The following ARHGAP12 variants were observed in gnomAD, a reference collection of about 807,000 sequenced individuals.
ARHGAP12 encodes the protein Rho GTPase activating protein 12, also known as rho GTPase-activating protein 12.
ARHGAP12 carries 64 observed loss-of-function variants against 108.6 expected under a neutral mutation model. The observed-to-expected ratio is 0.59, with a 90% CI of 0.48 to 0.73. The LOEUF is 0.73. Among genes scored for constraint, ARHGAP12 ranks in the 30% least tolerant of loss-of-function variants. The pLI, the probability that ARHGAP12 is intolerant of heterozygous loss-of-function variation, is 0.00. For synonymous variants in ARHGAP12, 312 were observed against 337.2 expected, an observed-to-expected ratio of 0.93 and a Z score of 0.82; for missense variants, 940 against 1,005.9, an observed-to-expected ratio of 0.93 and a Z score of 0.89.
chr10:31,853,485 T>C (rs1048179729), intron 5 of ARHGAP12, among the ~76,000 whole-genome samples: 3 of 152,178 alleles, frequency 2.0e-5, no homozygotes, highest in Non-Finnish European at 4.4e-5. Context: ...TTCCGTATGT[T>C]CTAATGTCAA....
At chr10:31,822,395 G>A (rs1835448343) in intron 11 of ARHGAP12, among the ~76,000 whole-genome samples, 1 of 152,170 alleles carries the variant, frequency 6.6e-6, no homozygotes, top group Non-Finnish European at 1.5e-5. Context: ...AAATGATGAT[G>A]TCATAACAAT....
chr10:31,877,609 TTAAC>T (rs1216611946), intron 3 of ARHGAP12, among the ~76,000 whole-genome samples: 1 of 152,196 alleles, frequency 6.6e-6, no homozygotes, highest in Admixed American at 6.5e-5. Flanking sequence ...AAAAACTACT[TTAAC>T]TAAAAAGTGA....
intron 9 of ARHGAP12, among the ~76,000 whole-genome samples, chr10:31,833,860 A>T (rs1197657082): frequency 6.6e-6 from 1 of 152,224 alleles, no homozygotes; most frequent in African/African-American, 2.4e-5. Flanking sequence ...GAAGGATTTT[A>T]AATTCCCCCA....
intron 2 of ARHGAP12, among the ~76,000 whole-genome samples, chr10:31,909,800 G>A (rs376663464): frequency 5.9e-5 from 9 of 152,172 alleles, no homozygotes; most frequent in African/African-American, 2.2e-4. Flanking sequence ...GGAAGCTGAG[G>A]TGGAAGGATC....
rs1312482278 is a variant in ARHGAP12 at position 31,809,127 on chromosome 10, A to T, written c.2130T>A (p.Asp710Glu). ...TACTGTCATTCAAGTCCAATTTCTC[A>T]TCTGAAAAACAGCAGGAATTGGACA... ...IQKLRFAVNH[D>E]EKLDLNDSKW... Residue 710 changes from aspartate to glutamate, a missense_variant and splice_region_variant, in exon 18 of 20, where the codon GAT (aspartate) becomes GAA (glutamate). Transcript: ENST00000344936. 3 of 1,611,660 alleles carry T rather than the reference A, an allele frequency of 1.9e-6. No homozygotes were observed.
chr10:31,865,341 A>G (rs1837283492), intron 3 of ARHGAP12, among the ~76,000 whole-genome samples: 1 of 152,194 alleles, frequency 6.6e-6, no homozygotes, highest in Non-Finnish European at 1.5e-5. Context: ...CAGATTCAAG[A>G]AACAATCAGA....
intron 3 of ARHGAP12, among the ~76,000 whole-genome samples, chr10:31,900,977 A>G (rs1838892522): frequency 6.6e-6 from 1 of 152,192 alleles, no homozygotes; most frequent in South Asian, 2.1e-4. Context: ...GCACTTTGAG[A>G]GGCTGAGGCG....
At chr10:31,920,449 C>CAAA (rs71027040) in intron 1 of ARHGAP12, among the ~76,000 whole-genome samples, 15,987 of 59,320 alleles carry the variant, frequency 0.27, 2,686 homozygotes, top group East Asian at 0.41. Flanking sequence ...GACTCCGTCT[C>CAAA]AAAAAAAAAA....
At chr10:31,848,810 C>T (rs539730025) in intron 6 of ARHGAP12, among the ~76,000 whole-genome samples, 2 of 152,240 alleles carry the variant, frequency 1.3e-5, no homozygotes, top group African/African-American at 2.4e-5. Flanking sequence ...CGGTGGCTCA[C>T]GCCTGTAATT....
chr10:31,829,983 T>TC (rs1411230131), intron 10 of ARHGAP12, among the ~76,000 whole-genome samples: 2 of 150,114 alleles, frequency 1.3e-5, no homozygotes, highest in African/African-American at 4.9e-5. Flanking sequence ...TCATCTGTTT[T>TC]CCATTAAGCC....
At chr10:31,916,615 C>T (rs1839567427) in intron 1 of ARHGAP12, among the ~76,000 whole-genome samples, 1 of 152,098 alleles carries the variant, frequency 6.6e-6, no homozygotes, top group African/African-American at 2.4e-5. Context: ...GTTAAAGAAA[C>T]ATAATGTATC....
intron 9 of ARHGAP12, among the ~76,000 whole-genome samples, chr10:31,835,783 C>G (rs560661988): frequency 3.3e-5 from 5 of 152,196 alleles, no homozygotes; most frequent in African/African-American, 1.2e-4. Flanking sequence ...AATGAAACAT[C>G]CAGAATGGGT....
At chr10:31,868,377 CTA>C (rs1292044364) in intron 3 of ARHGAP12, among the ~76,000 whole-genome samples, 1 of 151,816 alleles carries the variant, frequency 6.6e-6, no homozygotes, top group Non-Finnish European at 1.5e-5. Context: ...ATGTTTTTTT[CTA>C]TGTGATTTCC....
At chr10:31,875,343 GTAAGGA>G (rs899088068) in intron 3 of ARHGAP12, among the ~76,000 whole-genome samples, 1 of 152,178 alleles carries the variant, frequency 6.6e-6, no homozygotes, top group African/African-American at 2.4e-5. Context: ...AGTAGAGTAG[GTAAGGA>G]GGAAGGGTTC....
intron 9 of ARHGAP12, among the ~76,000 whole-genome samples, chr10:31,836,007 T>C (rs1045946862): frequency 1.3e-5 from 2 of 152,328 alleles, no homozygotes; most frequent in East Asian, 3.9e-4. Flanking sequence ...TTATGTTACA[T>C]AAGTTTTATC....
Position 31,808,741 on chromosome 10 carries a change from T to C in ARHGAP12, c.2274A>G (p.Pro758=), listed in dbSNP as rs974859051. The change falls in exon 19 of 20, where the codon CCA becomes CCG. Residue 758 remains proline, a synonymous_variant. Coordinates refer to ENST00000344936, the MANE Select transcript of ARHGAP12 (RefSeq NM_018287.7). Reference sequence around the variant, plus strand: ...CCTTAACAGCAGCGACTCGCTGTCTTGGTTCTTGCTCTGAAAAAAGATAAT... The same window carrying C: ...CCTTAACAGCAGCGACTCGCTGTCTCGGTTCTTGCTCTGAAAAAAGATAAT... ...NDFVNAIKQE[P]RQRVAAVKDL... 6.2e-6 allele frequency: 10 copies of C among 1,613,700 alleles called. No individual in the cohort carries two copies. The highest frequency in any genetic ancestry group is 8.5e-6 in the Non-Finnish European group (10 of 1,179,714).
intron 3 of ARHGAP12, among the ~76,000 whole-genome samples, chr10:31,861,950 TTGTATGA>T (rs1485272250): frequency 6.6e-6 from 1 of 152,196 alleles, no homozygotes; most frequent in Admixed American, 6.5e-5. Flanking sequence ...CACTAACAAG[TTGTATGA>T]TATTGGGTAA....
chr10:31,881,148 TA>T (rs917225805), intron 3 of ARHGAP12, among the ~76,000 whole-genome samples: 16 of 142,496 alleles, frequency 1.1e-4, no homozygotes, highest in Admixed American at 2.1e-4. Flanking sequence ...ATGAGTTCCT[TA>T]AAAAAAAAAG....
chr10:31,909,164 G>GA (rs150420711), intron 2 of ARHGAP12, among the ~76,000 whole-genome samples: 2,532 of 152,174 alleles, frequency 0.017, 76 homozygotes, highest in African/African-American at 0.058. Flanking sequence ...CCGATAACTG[G>GA]AACAGTAAAT....
Sources: gnomAD v4.1 joint callset for allele counts (sites outside exome capture counted in the v4.1 genomes callset) on GRCh38, gnomAD v4.1.1 for gene constraint, MANE v1.5 for transcripts, NCBI Gene and HGNC (gene_info 2026-07-23, HGNC 2026-07-21) for gene names.